LMF1: variants seen among roughly 807,000 people sequenced by gnomAD.
The protein encoded by LMF1 is transmembrane protein 112.
In LMF1, 68 loss-of-function variants were observed where a neutral mutation model predicts 60.6. The ratio of observed to expected loss-of-function variants is 1.12; its 90% CI spans 0.92 to 1.37. LMF1 has a LOEUF of 1.37. Ranked by LOEUF, LMF1 falls within the 40% of genes most tolerant of loss-of-function variation. The probability of loss-of-function intolerance (pLI) is 0.00; values close to 1 mark genes in which losing one functional copy is unlikely to be tolerated. For missense variants in LMF1, 948 were observed against 767.2 expected (o/e 1.24, Z -2.78); for synonymous variants, 418 against 324.7 (o/e 1.29, Z -3.09).
At chr16:929,565 C>T (rs999201544) in intron 3 of LMF1, among the ~76,000 whole-genome samples, 3 of 152,194 alleles carry the variant, frequency 2.0e-5, no homozygotes, top group South Asian at 2.1e-4. Flanking sequence ...GCTGGAAGCT[C>T]GAGACACTCC....
intron 1 of LMF1, chr16:980,159 G>A (rs1022615870): frequency 5.4e-5 from 12 of 222,486 alleles, no homozygotes; most frequent in African/African-American, 4.6e-5. Flanking sequence ...CCTCCGGGCA[G>A]GTGACACGGC....
At chr16:935,973 G>A (rs954966287) in intron 2 of LMF1, among the ~76,000 whole-genome samples, 2 of 152,250 alleles carry the variant, frequency 1.3e-5, no homozygotes, top group Non-Finnish European at 2.9e-5. Flanking sequence ...TGCCCCAGTG[G>A]CTCTGATATC....
intron 2 of LMF1, among the ~76,000 whole-genome samples, chr16:949,221 CCAACAACAGAGTCAGA>C (rs1440889566): frequency 1.4e-5 from 2 of 140,116 alleles, no homozygotes; most frequent in East Asian, 4.4e-4. Flanking sequence ...ACAGAGTCAG[CCAACAACAGAGTCAGA>C]GCCAACAACA....
At position 964,091 on chromosome 16, in the gene LMF1, C is replaced by G. The variant is rs1045755704; in HGVS notation, c.193+6697G>C. On this transcript the variant is annotated intron_variant, in intron 1 of 10. Coordinates refer to ENST00000262301, the MANE Select transcript of LMF1 (RefSeq NM_022773.4). ...AATACCGAGGAAATACCGTGTCGCC[C>G]GAGCAGCCAACAGCAGGCATGGCCG... The G allele has an allele frequency of 8.8e-6, 4 of 455,860 alleles. No individual in the cohort carries two copies. The East Asian group carries it at 2.1e-4, about 24-fold the overall frequency. 28.2% of individuals were successfully genotyped at this position (455,860 alleles called of 1,614,324 possible).
intron 5 of LMF1, among the ~76,000 whole-genome samples, chr16:891,034 C>T (rs946618735): frequency 2.0e-5 from 3 of 152,238 alleles, no homozygotes; most frequent in African/African-American, 7.2e-5. Flanking sequence ...CAGCAGAGAG[C>T]TCTGGTGAGG....
intron 4 of LMF1, chr16:900,731 G>C (rs1325868786): frequency 7.3e-6 from 1 of 137,322 alleles, no homozygotes; most frequent in African/African-American, 2.8e-5. Context: ...GTGTGTGTGT[G>C]TTTTAGTACA....
Position 913,379 on chromosome 16 carries a change from A to G in LMF1, c.515-2300T>C, listed in dbSNP as rs138838454. ...CTGCGACACAGACAGCGTTGGCCCA[A>G]TCAGCGGAGAAGCTGCATGTGCACG... On this transcript the variant is annotated intron_variant, in intron 3 of 10. Coordinates refer to ENST00000262301, the MANE Select transcript of LMF1 (RefSeq NM_022773.4). Among the ~76,000 whole-genome samples the G allele has an allele frequency of 3.4e-3, 511 of 152,366 alleles. 2 individuals are homozygous for G. The highest frequency in any genetic ancestry group is 6.8e-3 in the Middle Eastern group (2 of 294).
rs888193656 is a variant in LMF1 at position 915,876 on chromosome 16, AGCAGGTGAGACTTGGGGGCCTGGG to A, written c.515-4821_515-4798del. On this transcript the variant is annotated intron_variant, in intron 3 of 10. Coordinates refer to ENST00000262301, the MANE Select transcript of LMF1 (RefSeq NM_022773.4). The stretch of plus-strand genomic sequence containing the variant: ...GGAGCACGTGGGACGCGGGGGCCGG[AGCAGGTGAGACTTGGGGGCCTGGG>A]GCAGGTGAGACTCAGCAGCTGGGGC... Among the ~76,000 whole-genome samples the A allele has an allele frequency of 2.7e-3, 411 of 151,810 alleles. 9 individuals are homozygous for A. The highest frequency in any genetic ancestry group is 7.2e-4 in the Non-Finnish European group (49 of 67,922).
At chr16:932,572 GATTGTACAATTTTA>G (rs1567266984) in intron 3 of LMF1, among the ~76,000 whole-genome samples, 1 of 152,068 alleles carries the variant, frequency 6.6e-6, no homozygotes, top group African/African-American at 2.4e-5. Context: ...ATACTGTTGT[GATTGTACAATTTTA>G]ATTAAAAAAA....
chr16:952,404 G>C (rs1232393842), intron 2 of LMF1, among the ~76,000 whole-genome samples: 5 of 152,044 alleles, frequency 3.3e-5, no homozygotes, highest in Admixed American at 6.5e-5. Context: ...AGAGCAATCT[G>C]AGCCTCCGAC....
At chr16:976,535 C>G (rs1407093471) in intron 1 of LMF1, 3 of 453,984 alleles carry the variant, frequency 6.6e-6, no homozygotes, top group Non-Finnish European at 1.3e-5. Context: ...ACCTCCCTGG[C>G]TGCTTGGGGC....
chr16:860,477 C>T (rs1360390475), intron 10 of LMF1, among the ~76,000 whole-genome samples: 3 of 151,942 alleles, frequency 2.0e-5, no homozygotes, highest in African/African-American at 4.8e-5. Context: ...GTAGCTGGGA[C>T]TACAGGCATG....
chr16:978,714 C>T (rs2073248820), intron 1 of LMF1, among the ~76,000 whole-genome samples: 1 of 152,230 alleles, frequency 6.6e-6, no homozygotes, highest in East Asian at 1.9e-4. Flanking sequence ...CACGGCGGAG[C>T]AGGCCCCAGC....
chr16:940,021 C>G (rs9927663), intron 2 of LMF1, among the ~76,000 whole-genome samples: 72,324 of 151,882 alleles, frequency 0.48, 18,873 homozygotes, highest in African/African-American at 0.69. Flanking sequence ...ATCAGAGAGA[C>G]GTACCAGGAA....
chr16:975,597 A>G (rs1411485631), upstream of LMF1, among the ~76,000 whole-genome samples: 1 of 152,224 alleles, frequency 6.6e-6, no homozygotes, highest in Non-Finnish European at 1.5e-5. Context: ...GTCCCTTCCT[A>G]TGAGCCTCTA....
At chr16:876,171 G>A (rs983345468) in intron 6 of LMF1, among the ~76,000 whole-genome samples, 3 of 152,246 alleles carry the variant, frequency 2.0e-5, no homozygotes, top group African/African-American at 4.8e-5. Flanking sequence ...TGCGGACCAC[G>A]GGCGTCTCGG....
At chr16:863,382 T>TCCAC (rs1315592786) in intron 10 of LMF1, among the ~76,000 whole-genome samples, 2 of 152,232 alleles carry the variant, frequency 1.3e-5, no homozygotes, top group African/African-American at 4.8e-5. Context: ...GTTCAGGTGA[T>TCCAC]CCACCCGCCT....
chr16:898,726 A>C (rs918496583), intron 4 of LMF1, among the ~76,000 whole-genome samples: 3 of 152,224 alleles, frequency 2.0e-5, no homozygotes, highest in African/African-American at 7.2e-5. Flanking sequence ...TCAGCCGCCT[A>C]TCTCTCTGAC....
chr16:902,691 C>T lies in LMF1; in HGVS notation c.663+8240G>A, dbSNP rs1369134066. On this transcript the variant is annotated intron_variant, in intron 4 of 10. Transcript: ENST00000262301. ...GTGACCTCTGCACTGCCTGTGGGGA[C>T]GCCCGTCTCTGCTGCGTGGTGGTGA... 5 of 153,794 alleles carry T rather than the reference C, an allele frequency of 3.3e-5. No individual in the cohort carries two copies. In the South Asian group the frequency reaches 5.0e-4, roughly 15 times the overall value. 9.5% of individuals were successfully genotyped at this position (153,794 alleles called of 1,614,324 possible).
Sources: allele counts gnomAD v4.1 joint callset (sites outside exome capture counted in the v4.1 genomes callset), GRCh38; gene constraint gnomAD v4.1.1; transcripts MANE v1.5; gene names NCBI Gene and HGNC (gene_info 2026-07-23, HGNC 2026-07-21).